Variants in WFS1 observed in about 807,000 individuals in gnomAD.
The protein encoded by WFS1 is wolframin ER transmembrane glycoprotein.
In WFS1, 90 loss-of-function variants were observed where a neutral mutation model predicts 68.5. That is an observed-to-expected ratio of 1.31 (90% CI 1.11 to 1.56). WFS1 has a LOEUF of 1.56. WFS1 is among the 40% of genes most tolerant of loss of function. The pLI is 0.00. For missense variants in WFS1, 1,767 were observed against 1,232.6 expected (o/e 1.43, Z -6.49); for synonymous variants, 860 against 540.7 (o/e 1.59, Z -8.19).
Position 6,301,104 on chromosome 4 carries a change from G to C in WFS1, c.1309G>C (p.Gly437Arg), listed in dbSNP as rs147974629. ...IPCSELAVIT[G>R]FFTVTSYLSL... is the part of the protein sequence containing the mutation. The stretch of plus-strand genomic sequence containing the variant: ...CTGCTCGGAGCTGGCTGTCATCACC[G>C]GCTTCTTTACCGTGACCAGCTACCT... The change falls in exon 8 of 8, where the codon GGC (glycine) becomes CGC (arginine). Residue 437 changes from glycine to arginine, a missense_variant. Gly to Arg is a moderately radical substitution (Grantham distance 125, BLOSUM62 -2). Transcript: ENST00000226760. The C allele has an allele frequency of 3.0e-5, 48 of 1,613,738 alleles. No individual in the cohort carries two copies. Among genetic ancestry groups the C allele is most frequent in the Non-Finnish European group, 3.8e-5 (45 of 1,180,018 alleles).
chr4:6,274,337 G>A (rs1033845093), intron 1 of WFS1, among the ~76,000 whole-genome samples: 2 of 151,904 alleles, frequency 1.3e-5, no homozygotes, highest in Non-Finnish European at 2.9e-5. Context: ...GTGAGCCACC[G>A]CGCCTGGCCG....
intron 7 of WFS1, among the ~76,000 whole-genome samples, chr4:6,299,142 C>G (rs978692534): frequency 2.0e-5 from 3 of 152,248 alleles, no homozygotes; most frequent in African/African-American, 7.2e-5. Context: ...TCCAGTCCCT[C>G]TGCCTGGCTG....
rs1299034736 is a variant in WFS1, at chr4:6,302,132, G to A, written c.2337G>A (p.Val779=). Residue 779 remains valine, a synonymous_variant, in exon 8 of 8, where the codon GTG becomes GTA. Coordinates refer to ENST00000226760, the MANE Select transcript of WFS1 (RefSeq NM_006005.3). The part of the protein sequence containing the change: ...KFDRYKFEIT[V]GMPFSSGADG... ...ACCGCTACAAGTTTGAGATTACCGTGGGCATGCCATTCAGCAGCGGCGCTG... is the reference window on the plus strand; with the variant it reads ...ACCGCTACAAGTTTGAGATTACCGTAGGCATGCCATTCAGCAGCGGCGCTG... 6.2e-7 allele frequency: 1 copy of A among 1,612,952 alleles called. No homozygotes were observed. Among genetic ancestry groups the A allele is most frequent in the South Asian group, 1.1e-5 (1 of 91,084 alleles).
At chr4:6,292,071 C>G (rs1364948721) in intron 6 of WFS1, 74 bp downstream of exon 6, 2 of 1,452,990 alleles carry the variant, frequency 1.4e-6, no homozygotes, top group South Asian at 2.5e-5. Context: ...CCTTCCTGTG[C>G]GACTCCATCC....
chr4:6,281,034 T>C (rs372804254), intron 2 of WFS1, among the ~76,000 whole-genome samples: 96 of 152,312 alleles, frequency 6.3e-4, no homozygotes, highest in African/African-American at 2.3e-3. Flanking sequence ...CCCTTTCTGT[T>C]GACCCCAGTG....
At position 6,301,879 on chromosome 4, in the gene WFS1, G is replaced by A. The variant is rs28937891; in HGVS notation, c.2084G>A (p.Gly695Asp). ...RTQILCSHLE[G>D]HRVTWTGRFK... ...CAGATCCTCTGCAGCCACCTGGAGG[G>A]CCACAGGGTCACGTGGACCGGCCGC... is the stretch of plus-strand genomic sequence containing the variant. The change falls in exon 8 of 8, where the codon GGC becomes GAC. Residue 695 changes from glycine (G) to aspartate (D), a missense_variant. Coordinates refer to ENST00000226760, the MANE Select transcript of WFS1 (RefSeq NM_006005.3). 2.1e-5 allele frequency: 34 copies of A among 1,612,704 alleles called. No homozygotes were observed. Among genetic ancestry groups the A allele is most frequent in the South Asian group, 1.1e-5 (1 of 91,088 alleles).
At chr4:6,293,024 A>C (rs111310323) in intron 6 of WFS1, among the ~76,000 whole-genome samples, 2 of 152,180 alleles carry the variant, frequency 1.3e-5, no homozygotes, top group Admixed American at 1.3e-4. Flanking sequence ...GAAACACCTC[A>C]CATGGAAGTG....
At chr4:6,272,342 G>A (rs1035855066) in intron 1 of WFS1, among the ~76,000 whole-genome samples, 5 of 152,172 alleles carry the variant, frequency 3.3e-5, no homozygotes, top group African/African-American at 1.2e-4. Flanking sequence ...TGGCCACTAT[G>A]GCCGTCATGA....
At chr4:6,288,875 C>T in intron 3 of WFS1, 112 bp from the exon 4 acceptor site, 1 of 1,505,600 alleles carries the variant, frequency 6.6e-7, no homozygotes, top group Non-Finnish European at 9.0e-7. Context: ...TCTGCCCCTT[C>T]CTTCCTGGCC....
At chr4:6,278,680 G>A (rs558392598) in intron 2 of WFS1, among the ~76,000 whole-genome samples, 7 of 152,334 alleles carry the variant, frequency 4.6e-5, no homozygotes, top group African/African-American at 1.7e-4. Flanking sequence ...CCCTGCTGTG[G>A]TCGCAGCGCG....
chr4:6,295,633 C>T (rs1396059662), intron 7 of WFS1, among the ~76,000 whole-genome samples: 1 of 152,204 alleles, frequency 6.6e-6, no homozygotes, highest in African/African-American at 2.4e-5. Flanking sequence ...CGTGCAGAGG[C>T]GCCTACTGCC....
chr4:6,276,646 CCT>C (rs1431145885), intron 1 of WFS1, among the ~76,000 whole-genome samples: 1 of 152,162 alleles, frequency 6.6e-6, no homozygotes, highest in Non-Finnish European at 1.5e-5. Context: ...GCTCCCTTCC[CCT>C]CTCATATTTA....
chr4:6,301,995 C>A lies in WFS1; in HGVS notation c.2200C>A (p.Leu734Ile), dbSNP rs764090283. The A allele has an allele frequency of 6.2e-7, 1 of 1,612,596 alleles. No homozygotes were observed. Among genetic ancestry groups the A allele is most frequent in the Admixed American group, 1.7e-5 (1 of 59,976 alleles). The change falls in exon 8 of 8, where the codon CTC becomes ATC. Residue 734 changes from leucine to isoleucine, a missense_variant. Coordinates refer to ENST00000226760, the MANE Select transcript of WFS1 (RefSeq NM_006005.3). ...PFFIGDWMRC[L>I]YGEAYPACSP... Reference sequence around the variant, plus strand: ...CTTCATCGGCGACTGGATGCGCTGCCTCTACGGCGAGGCCTACCCTGCCTG... The same window carrying A: ...CTTCATCGGCGACTGGATGCGCTGCATCTACGGCGAGGCCTACCCTGCCTG...
intron 7 of WFS1, among the ~76,000 whole-genome samples, chr4:6,296,036 T>TG (rs1397014480): frequency 1.3e-5 from 2 of 152,200 alleles, no homozygotes; most frequent in Non-Finnish European, 2.9e-5. Flanking sequence ...GCAGGCACCC[T>TG]GGGGTTCTGT....
rs147974629 is a variant in WFS1 at position 6,301,104 on chromosome 4, G to A, written c.1309G>A (p.Gly437Ser). ...CTGCTCGGAGCTGGCTGTCATCACC[G>A]GCTTCTTTACCGTGACCAGCTACCT... ...IPCSELAVIT[G>S]FFTVTSYLSL... is the part of the protein sequence containing the mutation. Residue 437 changes from glycine (G) to serine (S), a missense_variant, in exon 8 of 8, where the codon GGC becomes AGC. Physicochemically the swap from Gly to Ser is moderately conservative, Grantham distance 56. Transcript: ENST00000226760. The A allele has an allele frequency of 1.7e-4, 279 of 1,613,738 alleles. 2 individuals are homozygous for A. The East Asian group carries it at 4.3e-3, about 25-fold the overall frequency.
chr4:6,295,606 C>T (rs1472178566), intron 7 of WFS1, among the ~76,000 whole-genome samples: 6 of 152,208 alleles, frequency 3.9e-5, no homozygotes, highest in East Asian at 1.9e-4. Flanking sequence ...GTGCCGTGTC[C>T]GTCAGGCCAG....
intron 1 of WFS1, among the ~76,000 whole-genome samples, chr4:6,275,410 G>A (rs2109106490): frequency 6.6e-6 from 1 of 152,324 alleles, no homozygotes; most frequent in East Asian, 1.9e-4. Flanking sequence ...TGACTAAGGG[G>A]ACACTTAGGT....
intron 6 of WFS1, 68 bp downstream of exon 6, chr4:6,292,065 C>G: frequency 2.0e-6 from 3 of 1,476,474 alleles, no homozygotes; most frequent in Non-Finnish European, 2.8e-6. Flanking sequence ...ACCTCTCCTT[C>G]CTGTGCGACT....
chr4:6,299,438 G>T (rs78898216), intron 7 of WFS1, among the ~76,000 whole-genome samples: 4 of 151,906 alleles, frequency 2.6e-5, no homozygotes, highest in Admixed American at 6.5e-5. Context: ...AGGTGCACAC[G>T]TGTAGGGGTG....
Sources: gnomAD v4.1 joint callset for allele counts (sites outside exome capture counted in the v4.1 genomes callset) on GRCh38, gnomAD v4.1.1 for gene constraint, MANE v1.5 for transcripts, NCBI Gene and HGNC (gene_info 2026-07-23, HGNC 2026-07-21) for gene names.